GGCX: variants seen among roughly 807,000 people sequenced by gnomAD.
GGCX encodes vitamin K-dependent gamma-carboxylase.
A neutral mutation model predicts 88.5 loss-of-function variants in GGCX; 63 were observed. That is an observed-to-expected ratio of 0.71 (90% confidence interval 0.58 to 0.88). GGCX has a LOEUF of 0.88. GGCX is among the 40% of genes least tolerant of loss of function. GGCX has a pLI of 0.00. For synonymous variants in GGCX, 368 were observed against 365.8 expected (o/e 1.01, Z -0.07); for missense variants, 805 against 932.9 (o/e 0.86, Z 1.79).
chr2:85,554,070 CAA>C, intron 7 of GGCX, 71 bp downstream of exon 7: 3 of 1,240,746 alleles, frequency 2.4e-6, no homozygotes, highest in Non-Finnish European at 3.6e-6. Flanking sequence ...CTCCCACTCC[CAA>C]ACAATGCCTC....
At chr2:85,557,037 G>A (rs748391137) in intron 4 of GGCX, among the ~76,000 whole-genome samples, 4 of 152,170 alleles carry the variant, frequency 2.6e-5, no homozygotes, top group Non-Finnish European at 2.9e-5. Flanking sequence ...AAGCTAAAGC[G>A]AGAGAATCTC....
At position 85,550,113 on chromosome 2, in the gene GGCX, A is replaced by C. The variant is rs771463550; in HGVS notation, c.2098T>G (p.Cys700Gly). 1 of 1,613,158 alleles carries C rather than the reference A, an allele frequency of 6.2e-7. No homozygotes were observed. Among genetic ancestry groups the C allele is most frequent in the South Asian group, 1.1e-5 (1 of 91,070 alleles). ...YVFRRSFLMT[C>G]ISLRNLILGR... ...AATATCAGATTTCGAAGTGAGATAC[A>C]AGTCATCAGGAAGCTGAAAAACAGG... The change falls in exon 15 of 15, where the codon TGT (cysteine) becomes GGT (glycine). Residue 700 changes from cysteine (C) to glycine (G), a missense_variant. Cys to Gly is a radical substitution (Grantham distance 159). This residue lies in a region of GGCX where 680 missense variants were observed against 763.7 expected (regional missense o/e 0.89). Coordinates refer to ENST00000233838, the MANE Select transcript of GGCX (RefSeq NM_000821.7).
At chr2:85,553,208 G>A in intron 8 of GGCX, 24 bp downstream of exon 8, 2 of 1,613,860 alleles carry the variant, frequency 1.2e-6, no homozygotes, top group South Asian at 2.2e-5. Context: ...AGCCTTTGCT[G>A]TACACTCCAC....
At chr2:85,557,818 T>C (rs915279355) in intron 4 of GGCX, among the ~76,000 whole-genome samples, 3 of 152,134 alleles carry the variant, frequency 2.0e-5, no homozygotes, top group Non-Finnish European at 2.9e-5. Flanking sequence ...TGAGTTTTTT[T>C]CCCCATACTC....
At chr2:85,561,360 G>A (rs896741817) in intron 1 of GGCX, 26 bp downstream of exon 1, 1 of 1,322,536 alleles carries the variant, frequency 7.6e-7, no homozygotes, top group Non-Finnish European at 1.0e-6. Context: ...GGAACTCTCC[G>A]CCGGAGGGCG....
At chr2:85,558,646 C>T in intron 3 of GGCX, 41 bp from the exon 4 acceptor site, 1 of 1,498,462 alleles carries the variant, frequency 6.7e-7, no homozygotes, top group Non-Finnish European at 9.3e-7. Context: ...CAAGAGATCA[C>T]CACAGGCCCA....
rs566495617 is a variant in GGCX at position 85,545,317 on chromosome 2, C to G, written c.*4617G>C. On this transcript the variant is annotated 3_prime_UTR_variant, in exon 15 of 15. Transcript: ENST00000233838. Reference sequence around the variant, plus strand: ...ACTCATTTGTTAAAGTGCTTTGGGGCCATAGGTACGTGCCTATAATCCCAA... The same window carrying G: ...ACTCATTTGTTAAAGTGCTTTGGGGGCATAGGTACGTGCCTATAATCCCAA... The G allele has an allele frequency of 1.3e-5, 2 of 152,668 alleles. No homozygotes were observed. The highest frequency in any genetic ancestry group is 4.2e-4 in the South Asian group (2 of 4,816). The allele number at this position is 152,668 out of a possible 1,614,324, so 9.5% of individuals were successfully genotyped here.
At position 85,554,128 on chromosome 2, in the gene GGCX, G is replaced by C; in HGVS notation, c.889+15C>G. The C allele has an allele frequency of 6.2e-7, 1 of 1,604,302 alleles. No individual in the cohort carries two copies. The highest frequency in any genetic ancestry group is 8.5e-7 in the Non-Finnish European group (1 of 1,171,076). On this transcript the variant is annotated intron_variant, in intron 7 of 14. Coordinates refer to ENST00000233838, the MANE Select transcript of GGCX (RefSeq NM_000821.7). ...AACTGTGGTTCCTGTTTCCTCCCAGGCTACAGGTACTGACCAATGCTGAAA... is the reference window on the plus strand; with the variant it reads ...AACTGTGGTTCCTGTTTCCTCCCAGCCTACAGGTACTGACCAATGCTGAAA...
chr2:85,559,558 C>CA (rs886430372), intron 2 of GGCX, among the ~76,000 whole-genome samples: 29 of 152,014 alleles, frequency 1.9e-4, no homozygotes, highest in African/African-American at 5.3e-4. Flanking sequence ...ACTTAAAATA[C>CA]AAAAAAATTA....
intron 7 of GGCX, 130 bp from the exon 8 acceptor site, chr2:85,553,627 T>G (rs1311671535): frequency 1.1e-6 from 1 of 870,558 alleles, no homozygotes; most frequent in Admixed American, 2.1e-5. Flanking sequence ...TTTGAGACAG[T>G]CTTTCTCTGT....
chr2:85,552,029 C>T (rs751503558), intron 10 of GGCX, 48 bp from the exon 11 acceptor site: 2 of 1,351,240 alleles, frequency 1.5e-6, no homozygotes, highest in South Asian at 2.3e-5. Flanking sequence ...CACCCACCCA[C>T]CAGAACTTCC....
intron 2 of GGCX, 102 bp downstream of exon 2, chr2:85,560,713 C>T (rs1692404851): frequency 1.1e-6 from 1 of 912,776 alleles, no homozygotes; most frequent in Admixed American, 1.7e-5. Context: ...CCAATGTCTT[C>T]AGCTCTGAGG....
Position 85,553,017 on chromosome 2 carries a change from C to T in GGCX, c.1209G>A (p.Val403=), listed in dbSNP as rs1439739258. 1 of 1,613,918 alleles carries T rather than the reference C, an allele frequency of 6.2e-7. No individual in the cohort carries two copies. The highest frequency in any genetic ancestry group is 1.7e-5 in the Admixed American group (1 of 60,000). ...GLYGYSWDMM[V]HSRSHQHVKI... ...TCACGTGCTGGTGGGAGCGGGAGTG[C>T]ACCATCATGTCCCAGGAATAGCCAT... Residue 403 remains valine (V), a synonymous_variant, in exon 9 of 15, where the codon GTG becomes GTA. Coordinates refer to ENST00000233838, the MANE Select transcript of GGCX (RefSeq NM_000821.7).
rs528677951 is a variant in GGCX at position 85,550,003 on chromosome 2, G to A, written c.2208C>T (p.Pro736=). The A allele has an allele frequency of 1.1e-4, 179 of 1,612,878 alleles. 3 individuals are homozygous for A. In the South Asian group the frequency reaches 1.2e-3, roughly 10 times the overall value. Residue 736 remains proline (P), a synonymous_variant, in exon 15 of 15, where the codon CCC becomes CCT. Transcript: ENST00000233838. ...RPFEAVGELN[P]SNTDSSHSNP... is the part of the protein sequence containing the mutation. ...TAGAATGTGAAGAATCCGTGTTTGA[G>A]GGATTCAGTTCTCCAACTGCCTCAA...
At chr2:85,557,958 G>A (rs1465392612) in intron 4 of GGCX, among the ~76,000 whole-genome samples, 1 of 151,960 alleles carries the variant, frequency 6.6e-6, no homozygotes, top group South Asian at 2.1e-4. Flanking sequence ...AGCCAGAAAT[G>A]GGGAAGGGTT....
In GGCX at chr2:85,545,425, C is replaced by T. The variant is rs7605975; in HGVS notation, c.*4509G>A. ...GAACCATTATCAAGCCACTGCACTC[C>T]AGCCTGGGTGACTGAGACTTTGGCT... On this transcript the variant is annotated 3_prime_UTR_variant, in exon 15 of 15. Transcript: ENST00000233838. 0.51 allele frequency: 78,216 copies of T among 152,128 alleles called. 21,099 individuals carry two copies. The highest frequency in any genetic ancestry group is 0.69 in the African/African-American group (28,394 of 41,438). The allele number at this position is 152,128 out of a possible 1,614,324, so 9.4% of individuals were successfully genotyped here.
intron 7 of GGCX, chr2:85,553,752 A>C (rs1692084645): frequency 1.9e-6 from 1 of 513,184 alleles, no homozygotes; most frequent in African/African-American, 1.9e-5. Context: ...GGCATGCGCC[A>C]CCATGCTCAG....
At chr2:85,552,316 A>G in intron 10 of GGCX, 100 bp downstream of exon 10, 1 of 1,203,946 alleles carries the variant, frequency 8.3e-7, no homozygotes, top group South Asian at 1.2e-5. Context: ...TAGAGGAAGG[A>G]CAGCTTTTTA....
rs758771222 is a variant in GGCX at position 85,552,504 on chromosome 2, G to A, written c.1351C>T (p.Leu451=). Reference sequence around the variant, plus strand: ...TTATACTTGGGAAGCAGGCGGCTCAGGCAAGTGGCATATTGCTTCAGCATG... The same window carrying A: ...TTATACTTGGGAAGCAGGCGGCTCAAGCAAGTGGCATATTGCTTCAGCATG... ...ADMLKQYATC[L]SRLLPKYNVT... The change falls in exon 10 of 15, where the codon CTG becomes TTG. Residue 451 remains leucine (L), a synonymous_variant. Transcript: ENST00000233838. 5.9e-5 allele frequency: 96 copies of A among 1,613,692 alleles called. No individual in the cohort carries two copies. The highest frequency in any genetic ancestry group is 7.9e-5 in the Non-Finnish European group (93 of 1,179,744).
Sources: allele counts gnomAD v4.1 joint callset (sites outside exome capture counted in the v4.1 genomes callset), GRCh38; gene constraint gnomAD v4.1.1; regional missense constraint gnomAD v4.1.1; transcripts MANE v1.5; gene names NCBI Gene and HGNC (gene_info 2026-07-23, HGNC 2026-07-21).